The following MOB3B variants were observed in gnomAD, a reference collection of about 807,000 sequenced individuals.
The protein encoded by MOB3B is MOB kinase activator-like 2B.
Under a neutral mutation model 18.7 loss-of-function variants are expected in MOB3B, and 7 were observed. The ratio of observed to expected loss-of-function variants is 0.37; its 90% confidence interval spans 0.21 to 0.70. The LOEUF (loss-of-function observed/expected upper bound fraction) is 0.70, where lower values mean the gene tolerates loss of function less well. MOB3B is among the 30% of genes least tolerant of loss of function. The pLI, the probability that MOB3B is intolerant of heterozygous loss-of-function variation, is 0.52. For missense variants in MOB3B, 253 were observed against 281.3 expected (o/e 0.90, Z 0.72); for synonymous variants, 111 against 99.9 (o/e 1.11, Z -0.66).
At chr9:27,389,956 T>G (rs1449856798) in intron 2 of MOB3B, among the ~76,000 whole-genome samples, 13 of 151,886 alleles carry the variant, frequency 8.6e-5, no homozygotes, top group Non-Finnish European at 1.0e-4. Context: ...AAAAAATAAT[T>G]AAAAATAAAA....
intron 1 of MOB3B, among the ~76,000 whole-genome samples, chr9:27,503,744 G>C (rs912855372): frequency 4.6e-5 from 7 of 152,238 alleles, no homozygotes; most frequent in Admixed American, 2.0e-4. Context: ...AGTGTTAGAG[G>C]CTGGCAGCTT....
In MOB3B at chr9:27,325,469, G is replaced by T. The variant is rs1376266360; in HGVS notation, c.*5118C>A. ...GTAAAACAGGCGAATTATTTGATTA[G>T]AAATGGACTCTTCCTTCATAAGTTA... On this transcript the variant is annotated 3_prime_UTR_variant, in exon 4 of 4. Transcript: ENST00000262244. 6.6e-6 allele frequency: 1 copy of T among 152,190 alleles called. No individual in the cohort carries two copies. Among genetic ancestry groups the T allele is most frequent in the Non-Finnish European group, 1.5e-5 (1 of 68,028 alleles). 9.4% of individuals were successfully genotyped at this position (152,190 alleles called of 1,614,324 possible). A position where few individuals can be genotyped will look rare whatever the true frequency, so the allele number is the denominator to read the frequency against.
At chr9:27,473,610 CACCTT>C (rs1819507360) in intron 1 of MOB3B, among the ~76,000 whole-genome samples, 1 of 152,178 alleles carries the variant, frequency 6.6e-6, no homozygotes, top group Non-Finnish European at 1.5e-5. Context: ...AGGAATCTAG[CACCTT>C]CTCCAACCAA....
At chr9:27,474,554 G>A (rs780314841) in intron 1 of MOB3B, among the ~76,000 whole-genome samples, 28 of 152,288 alleles carry the variant, frequency 1.8e-4, no homozygotes, top group Non-Finnish European at 3.4e-4. Flanking sequence ...TAGTCACCAT[G>A]ATGCATGTGC....
At position 27,488,553 on chromosome 9, in the gene MOB3B, A is replaced by T. The variant is rs191006599; in HGVS notation, c.-198-32805T>A. ...CTCCTGAGTAGCTGGGATTACAGGC[A>T]AGCGCCACCACACTCGGCTAACTTT... On this transcript the variant is annotated intron_variant, in intron 1 of 3. Coordinates refer to ENST00000262244, the MANE Select transcript of MOB3B (RefSeq NM_024761.5). 3.0e-4 allele frequency among the ~76,000 whole-genome samples: 45 copies of T among 152,284 alleles called. No individual in the cohort carries two copies. In the East Asian group the frequency reaches 8.5e-3, roughly 29 times the overall value.
chr9:27,332,371 G>A (rs547215319), intron 3 of MOB3B, among the ~76,000 whole-genome samples: 1 of 152,228 alleles, frequency 6.6e-6, no homozygotes, highest in African/African-American at 2.4e-5. Flanking sequence ...GTTTGAGAGA[G>A]ACAGAAAGAG....
At chr9:27,353,419 A>G (rs1039253694) in intron 3 of MOB3B, among the ~76,000 whole-genome samples, 1 of 152,042 alleles carries the variant, frequency 6.6e-6, no homozygotes, top group African/African-American at 2.4e-5. Flanking sequence ...CCTCCAGGAG[A>G]TTCTGATGCA....
intron 2 of MOB3B, among the ~76,000 whole-genome samples, chr9:27,360,480 T>G (rs28539052): frequency 0.039 from 5,973 of 152,270 alleles, 416 homozygotes; most frequent in African/African-American, 0.13. Context: ...ACTCCAGCCT[T>G]GGCGACAGAG....
At chr9:27,382,676 A>G (rs1821594935) in intron 2 of MOB3B, among the ~76,000 whole-genome samples, 1 of 151,236 alleles carries the variant, frequency 6.6e-6, no homozygotes, top group African/African-American at 2.4e-5. Flanking sequence ...GTGAACTTGC[A>G]GTAAGATATG....
intron 1 of MOB3B, among the ~76,000 whole-genome samples, chr9:27,511,403 G>A (rs1362722248): frequency 2.0e-5 from 3 of 152,196 alleles, no homozygotes; most frequent in East Asian, 1.9e-4. Flanking sequence ...GCAGCATTCC[G>A]TCAGTGATAA....
chr9:27,377,024 C>T (rs1307221460), intron 2 of MOB3B, among the ~76,000 whole-genome samples: 1 of 152,240 alleles, frequency 6.6e-6, no homozygotes, highest in African/African-American at 2.4e-5. Context: ...GGGCAAATGA[C>T]TTAGCCTCTC....
At chr9:27,352,874 AC>A (rs1821126165) in intron 3 of MOB3B, among the ~76,000 whole-genome samples, 1 of 152,186 alleles carries the variant, frequency 6.6e-6, no homozygotes, top group Non-Finnish European at 1.5e-5. Flanking sequence ...TTTACTGGAT[AC>A]CTTCTCAAAG....
At chr9:27,467,711 T>A (rs1819408348) in intron 1 of MOB3B, among the ~76,000 whole-genome samples, 1 of 152,244 alleles carries the variant, frequency 6.6e-6, no homozygotes, top group African/African-American at 2.4e-5. Context: ...CAGCCTGACC[T>A]TTTTTCCTCC....
intron 2 of MOB3B, among the ~76,000 whole-genome samples, chr9:27,392,006 G>C (rs1821734560): frequency 6.6e-6 from 1 of 152,116 alleles, no homozygotes; most frequent in Admixed American, 6.5e-5. Flanking sequence ...GCAGAGGAGA[G>C]ATAATTTCAT....
At chr9:27,339,761 A>G (rs2131337209) in intron 3 of MOB3B, among the ~76,000 whole-genome samples, 1 of 152,304 alleles carries the variant, frequency 6.6e-6, no homozygotes, top group Middle Eastern at 3.4e-3. Context: ...ATATATCTTC[A>G]TTCATATCTA....
intron 2 of MOB3B, among the ~76,000 whole-genome samples, chr9:27,420,488 ATATATATTCCATC>A (rs1404569445): frequency 1.1e-3 from 164 of 144,300 alleles, no homozygotes; most frequent in African/African-American, 1.8e-3. Flanking sequence ...TATATATTTC[ATATATATTCCATC>A]TATATATTCC....
intron 1 of MOB3B, among the ~76,000 whole-genome samples, chr9:27,487,986 T>C (rs867589993): frequency 1.3e-5 from 2 of 152,216 alleles, no homozygotes; most frequent in Admixed American, 6.5e-5. Flanking sequence ...TGTCCCTGAA[T>C]GGACAGGGAT....
chr9:27,396,515 A>C (rs948574585), intron 2 of MOB3B, among the ~76,000 whole-genome samples: 4 of 152,216 alleles, frequency 2.6e-5, no homozygotes, highest in Non-Finnish European at 5.9e-5. Flanking sequence ...GCTTGCAACC[A>C]AGGAGCCCTA....
At chr9:27,434,122 A>G (rs1357491448) in intron 2 of MOB3B, among the ~76,000 whole-genome samples, 1 of 152,144 alleles carries the variant, frequency 6.6e-6, no homozygotes, top group Non-Finnish European at 1.5e-5. Flanking sequence ...GTAATTTGGA[A>G]TCAGAGATGT....
Sources: allele counts gnomAD v4.1 joint callset (sites outside exome capture counted in the v4.1 genomes callset), GRCh38; gene constraint gnomAD v4.1.1; transcripts MANE v1.5; gene names NCBI Gene and HGNC (gene_info 2026-07-23, HGNC 2026-07-21).